The following DISC1 variants were observed in gnomAD, a reference collection of about 807,000 sequenced individuals.
DISC1 encodes the protein disrupted in schizophrenia 1 protein.
In DISC1, 57 loss-of-function variants were observed where a neutral mutation model predicts 84.5. The observed-to-expected ratio is 0.67, with a 90% CI of 0.55 to 0.84. The LOEUF is 0.84. Among genes scored for constraint, DISC1 ranks in the 40% least tolerant of loss-of-function variants. The pLI is 0.00. For missense variants in DISC1, 1,000 were observed against 1,057.8 expected (o/e 0.95, Z 0.76); for synonymous variants, 411 against 415.2 (o/e 0.99, Z 0.12).
intron 3 of DISC1, among the ~76,000 whole-genome samples, chr1:231,734,233 T>C (rs1379546284): frequency 6.6e-6 from 1 of 152,140 alleles, no homozygotes; most frequent in Non-Finnish European, 1.5e-5. Flanking sequence ...TCTGAAAATC[T>C]GAGGGTTTAA....
At chr1:231,664,964 A>G (rs1348524745) in intron 1 of DISC1, among the ~76,000 whole-genome samples, 1 of 152,210 alleles carries the variant, frequency 6.6e-6, no homozygotes, top group Non-Finnish European at 1.5e-5. Flanking sequence ...ATACTAGTCT[A>G]TTTTATCATT....
In DISC1 at chr1:231,795,206, C is replaced by A. The variant is rs1351600997; in HGVS notation, c.1635-36C>A. ...CTGTAGTGGTATTGAATTGTGGTTA[C>A]CAAGAAGACCAATCTCCTCTTTTTA... On this transcript the variant is annotated intron_variant, in intron 6 of 12. Coordinates refer to ENST00000439617, the MANE Select transcript of DISC1 (RefSeq NM_018662.3). 3.1e-6 allele frequency: 5 copies of A among 1,599,952 alleles called. No homozygotes were observed. In the African/African-American group the frequency reaches 6.7e-5, roughly 21 times the overall value.
chr1:231,781,016 G>A (rs868470396), intron 6 of DISC1, among the ~76,000 whole-genome samples: 1 of 106,504 alleles, frequency 9.4e-6, no homozygotes, highest in Non-Finnish European at 1.8e-5. Context: ...GTTGTGGGGT[G>A]GGGGGAGGGG....
chr1:231,968,462 C>T (rs907287752), intron 10 of DISC1, among the ~76,000 whole-genome samples: 9 of 152,006 alleles, frequency 5.9e-5, no homozygotes, highest in Admixed American at 1.3e-4. Flanking sequence ...CCTCTTGAGG[C>T]ATCACTTTTA....
chr1:232,025,655 G>GGC (rs772452153), intron 11 of DISC1, among the ~76,000 whole-genome samples: 6,195 of 150,182 alleles, frequency 0.041, 135 homozygotes, highest in East Asian at 0.064. Flanking sequence ...GGAGTGCAGT[G>GGC]GTGCAATCTC....
At chr1:231,632,141 A>G (rs1176322556) in intron 1 of DISC1, among the ~76,000 whole-genome samples, 1 of 152,230 alleles carries the variant, frequency 6.6e-6, no homozygotes, top group Non-Finnish European at 1.5e-5. Flanking sequence ...TAGCTATACA[A>G]TATAGCTTAG....
At chr1:231,708,212 C>T (rs972855797) in intron 3 of DISC1, among the ~76,000 whole-genome samples, 3 of 152,048 alleles carry the variant, frequency 2.0e-5, no homozygotes, top group Non-Finnish European at 2.9e-5. Context: ...TATGAGTCTG[C>T]GTGTACTAGG....
chr1:231,650,643 A>G (rs987736416), intron 1 of DISC1, among the ~76,000 whole-genome samples: 7 of 152,194 alleles, frequency 4.6e-5, no homozygotes, highest in Non-Finnish European at 8.8e-5. Context: ...CCTGGATAGT[A>G]TCCTGCAGAG....
chr1:231,886,116 G>A (rs529064243), intron 9 of DISC1, among the ~76,000 whole-genome samples: 6 of 152,082 alleles, frequency 3.9e-5, no homozygotes, highest in Non-Finnish European at 8.8e-5. Context: ...CAGTAACGGC[G>A]TTAATCCATT....
chr1:231,754,990 A>T (rs1433787272), intron 4 of DISC1, among the ~76,000 whole-genome samples: 2 of 152,200 alleles, frequency 1.3e-5, no homozygotes. Flanking sequence ...CTCCTCAAAT[A>T]TCTACCAAAG....
rs2075001506 is a variant in DISC1, at chr1:231,755,241, C to T, written c.1268+5165C>T. ...TTTTTTTTTGAGACAGAGTCTCACT[C>T]TATTGGCCAGGCTGGTCTCAAACTC... is the stretch of plus-strand genomic sequence containing the variant. On this transcript the variant is annotated intron_variant, in intron 4 of 12. Transcript: ENST00000439617. Among the ~76,000 whole-genome samples the T allele has an allele frequency of 2.0e-5, 3 of 151,628 alleles. 1 individual carries two copies. The highest frequency in any genetic ancestry group is 7.3e-5 in the African/African-American group (3 of 41,258).
chr1:232,002,179 C>T (rs371523875), intron 10 of DISC1, among the ~76,000 whole-genome samples: 1 of 152,086 alleles, frequency 6.6e-6, no homozygotes, highest in East Asian at 1.9e-4. Context: ...AATGAGATAA[C>T]ATTACACACC....
chr1:231,658,275 T>C (rs2061302846), intron 1 of DISC1, among the ~76,000 whole-genome samples: 1 of 152,232 alleles, frequency 6.6e-6, no homozygotes, highest in Admixed American at 6.5e-5. Context: ...GATTTGGCTC[T>C]TTGATTGCCT....
At chr1:231,779,549 GTTTTTTTTTTTTTTTTTTT>G in intron 6 of DISC1, among the ~76,000 whole-genome samples, 1 of 53,580 alleles carries the variant, frequency 1.9e-5, no homozygotes, top group East Asian at 7.2e-4. Flanking sequence ...ACCTATTCTT[GTTTTTTTTTTTTTTTTTTT>G]TTTTTTTTTT....
At chr1:231,778,351 C>T (rs1424146963) in intron 6 of DISC1, among the ~76,000 whole-genome samples, 1 of 152,218 alleles carries the variant, frequency 6.6e-6, no homozygotes, top group African/African-American at 2.4e-5. Context: ...TTCTACAATA[C>T]TTTGCACTTT....
At chr1:231,977,502 C>A (rs900600981) in intron 10 of DISC1, among the ~76,000 whole-genome samples, 17 of 152,236 alleles carry the variant, frequency 1.1e-4, no homozygotes, top group African/African-American at 4.1e-4. Flanking sequence ...TCTCCTTTGA[C>A]ACTGATTCTC....
At chr1:231,714,138 T>A (rs991117471) in intron 3 of DISC1, among the ~76,000 whole-genome samples, 1 of 152,076 alleles carries the variant, frequency 6.6e-6, no homozygotes, top group Non-Finnish European at 1.5e-5. Flanking sequence ...TAATTCTATT[T>A]ATAATAGCAT....
chr1:231,820,146 A>G (rs1335598910), intron 9 of DISC1, among the ~76,000 whole-genome samples: 1 of 152,148 alleles, frequency 6.6e-6, no homozygotes, highest in Admixed American at 6.6e-5. Context: ...CTTTCCCTAT[A>G]CATTGATTTA....
At position 232,009,368 on chromosome 1, in the gene DISC1, T is replaced by C; in HGVS notation, c.2307+319T>C. The stretch of plus-strand genomic sequence containing the variant: ...TACATTATATATGTCATATATAATA[T>C]AGTTATTATATTCACTATAGATTAT... On this transcript the variant is annotated intron_variant, in intron 11 of 12. Coordinates refer to ENST00000439617, the MANE Select transcript of DISC1 (RefSeq NM_018662.3). The surrounding 1 kb of genome is among the most constrained non-coding windows in gnomAD (Gnocchi z 4.6). 2.3e-6 allele frequency: 2 copies of C among 860,796 alleles called. No individual in the cohort carries two copies. The highest frequency in any genetic ancestry group is 2.9e-6 in the Non-Finnish European group (2 of 695,084). 53.3% of individuals were successfully genotyped at this position (860,796 alleles called of 1,614,324 possible).
Sources: gnomAD v4.1 joint callset for allele counts (sites outside exome capture counted in the v4.1 genomes callset) on GRCh38, gnomAD v4.1.1 for gene constraint, Gnocchi (gnomAD v3.1) non-coding constraint, MANE v1.5 for transcripts, NCBI Gene and HGNC (gene_info 2026-07-23, HGNC 2026-07-21) for gene names.